Variants in ZNF846 observed in about 807,000 individuals in gnomAD.
The protein encoded by ZNF846 is zinc finger protein 420 pseudogene.
Under a neutral mutation model 16.0 loss-of-function variants are expected in ZNF846, and 15 were observed. That is an observed-to-expected ratio of 0.94 (90% CI 0.63 to 1.45). ZNF846 has a LOEUF of 1.45. Among genes scored for constraint, ZNF846 ranks in the 40% most tolerant of loss-of-function variants. The probability of loss-of-function intolerance (pLI) is 0.00; values close to 1 mark genes in which losing one functional copy is unlikely to be tolerated. For synonymous variants in ZNF846, 229 were observed against 212.0 expected, an observed-to-expected ratio of 1.08 and a Z score of -0.70; for missense variants, 714 against 622.3, an observed-to-expected ratio of 1.15 and a Z score of -1.57.
At chr19:9,754,604 A>G (rs1006496942), downstream of ZNF846, among the ~76,000 whole-genome samples, 5 of 149,514 alleles carry the variant, frequency 3.3e-5, no homozygotes, top group African/African-American at 1.3e-4. Context: ...GGCAACATAC[A>G]GTTGGATTGT....
rs906824417 is a variant in ZNF846 at position 9,775,082 on chromosome 19, A to G, written c.-85-10047T>C. ...CCACCGCCTGACATTCACTTGTGGC[A>G]GTTACTAACTTTCTACAGTTTTCTT... is the stretch of plus-strand genomic sequence containing the variant. On this transcript the variant is annotated intron_variant, in intron 1 of 4. Transcript: ENST00000586814. 30 of 833,792 alleles carry G rather than the reference A, an allele frequency of 3.6e-5. No homozygotes were observed. In the African/African-American group the frequency reaches 4.8e-4, roughly 13 times the overall value. The allele number at this position is 833,792 out of a possible 1,614,324, so 51.6% of individuals were successfully genotyped here.
At chr19:9,749,131 C>T (rs1297551272), downstream of ZNF846, among the ~76,000 whole-genome samples, 1 of 152,162 alleles carries the variant, frequency 6.6e-6, no homozygotes, top group Non-Finnish European at 1.5e-5. Context: ...CTTCTTCCTC[C>T]TGGAAGTCTC....
At chr19:9,750,429 A>G (rs1225805526), downstream of ZNF846, among the ~76,000 whole-genome samples, 2 of 152,050 alleles carry the variant, frequency 1.3e-5, no homozygotes, top group Non-Finnish European at 2.9e-5. Flanking sequence ...CCTTTGCTGG[A>G]TCTCTAGGAT....
At chr19:9,778,762 C>T (rs138970490) in intron 1 of ZNF846, among the ~76,000 whole-genome samples, 6,281 of 139,140 alleles carry the variant, frequency 0.045, 207 homozygotes, top group South Asian at 0.13. Context: ...GAGATCATGC[C>T]ATTGCAGTGC....
intron 1 of ZNF846, among the ~76,000 whole-genome samples, chr19:9,778,434 T>G (rs1490652097): frequency 6.6e-6 from 1 of 151,982 alleles, no homozygotes; most frequent in African/African-American, 2.4e-5. Flanking sequence ...AGTAAAATCA[T>G]CCCCATTGGA....
At chr19:9,752,663 C>CTTTTTTTTTTTT (rs528278558), downstream of ZNF846, among the ~76,000 whole-genome samples, 2 of 140,522 alleles carry the variant, frequency 1.4e-5, no homozygotes, top group Non-Finnish European at 3.1e-5. Flanking sequence ...AGTGATTTCC[C>CTTTTTTTTTTTT]TTTTTTTTTT....
At chr19:9,761,507 T>A (rs895084753) in intron 4 of ZNF846, among the ~76,000 whole-genome samples, 37 of 151,908 alleles carry the variant, frequency 2.4e-4, no homozygotes, top group Non-Finnish European at 4.9e-4. Context: ...GGTCAGGAGT[T>A]CGAGAACAGC....
intron 4 of ZNF846, among the ~76,000 whole-genome samples, chr19:9,760,459 G>C (rs2045206900): frequency 6.6e-6 from 1 of 151,146 alleles, no homozygotes; most frequent in African/African-American, 2.5e-5. Context: ...CCAGCACTTT[G>C]GGAGGTCAAG....
intron 1 of ZNF846, among the ~76,000 whole-genome samples, chr19:9,784,609 A>T (rs1287400454): frequency 1.3e-5 from 2 of 152,124 alleles, no homozygotes; most frequent in African/African-American, 4.8e-5. Context: ...TCCTCAGCAC[A>T]GACCCTTTAC....
chr19:9,766,814 C>T (rs1372161547), intron 1 of ZNF846, among the ~76,000 whole-genome samples: 1 of 150,682 alleles, frequency 6.6e-6, no homozygotes, highest in African/African-American at 2.4e-5. Flanking sequence ...GCAGGAGAAG[C>T]ACTTGAACCC....
intron 1 of ZNF846, 35 bp from the exon 2 acceptor site, chr19:9,765,070 C>T: frequency 3.5e-6 from 4 of 1,134,428 alleles, no homozygotes; most frequent in Non-Finnish European, 5.3e-6. Flanking sequence ...CAGTTGGATA[C>T]ATCAAAGAAA....
intron 1 of ZNF846, among the ~76,000 whole-genome samples, chr19:9,775,193 A>ATGTGTGTGTGTG (rs113690294): frequency 2.4e-4 from 36 of 149,522 alleles, no homozygotes; most frequent in African/African-American, 8.7e-4. Flanking sequence ...GTGTATATAT[A>ATGTGTGTGTGTG]TGTGTGTGTG....
At chr19:9,757,416 C>T, downstream of ZNF846, 11 of 1,373,554 alleles carry the variant, frequency 8.0e-6, no homozygotes, top group African/African-American at 1.5e-5. Context: ...TATTCTTTAC[C>T]TTCCTATGAT....
chr19:9,755,732 G>A (rs1253965624), downstream of ZNF846: 4 of 131,070 alleles, frequency 3.1e-5, no homozygotes, highest in Non-Finnish European at 4.8e-5. Context: ...CCCGGGAGGC[G>A]GAGCTTGCAG....
Position 9,757,948 on chromosome 19 carries a change from G to T in ZNF846, c.1129C>A (p.Arg377Ser), listed in dbSNP as rs540684802. 8 of 1,613,330 alleles carry T rather than the reference G, an allele frequency of 5.0e-6. No individual in the cohort carries two copies. In the Admixed American group the frequency reaches 1.0e-4, roughly 20 times the overall value. Residue 377 changes from arginine (R) to serine (S), a missense_variant, in exon 6 of 6, where the codon CGT (arginine) becomes AGT (serine). Physicochemically the swap from Arg to Ser is moderately radical, Grantham distance 110. Coordinates refer to ENST00000397902, the Ensembl canonical transcript of ZNF846. ...ATGTGTAAAACAAGTCCTGAGGAAC[G>T]AGTAAAAGCTTTCCCACATGCCTTA...
At chr19:9,752,992 C>T (rs67359088), downstream of ZNF846, among the ~76,000 whole-genome samples, 16,804 of 149,372 alleles carry the variant, frequency 0.11, 1,592 homozygotes, top group African/African-American at 0.23. Flanking sequence ...AAGGTACAGT[C>T]AGATTCAGTG....
chr19:9,781,663 CT>C (rs563535052), intron 1 of ZNF846, among the ~76,000 whole-genome samples: 14 of 151,968 alleles, frequency 9.2e-5, no homozygotes, highest in Admixed American at 3.3e-4. Context: ...CAAAAAAAAA[CT>C]TTTTTCTTTA....
chr19:9,763,202 C>A, intron 3 of ZNF846, 80 bp downstream of exon 3: 1 of 1,326,676 alleles, frequency 7.5e-7, no homozygotes, highest in Non-Finnish European at 1.0e-6. Context: ...TTGCTTATTA[C>A]AGTACCCTCA....
chr19:9,752,431 A>T (rs2045091654), exon 6 of ZNF846: 1 of 420,536 alleles, frequency 2.4e-6, no homozygotes, highest in East Asian at 7.8e-5. Context: ...AACATGATGA[A>T]ACTTCGTCTC....
Sources: allele counts gnomAD v4.1 joint callset (sites outside exome capture counted in the v4.1 genomes callset), GRCh38; gene constraint gnomAD v4.1.1; transcripts MANE v1.5; gene names NCBI Gene and HGNC (gene_info 2026-07-23, HGNC 2026-07-21).